Variants in KCNMA1 observed in about 807,000 individuals in gnomAD.
The protein encoded by KCNMA1 is Calcium-activated potassium channel subunit alpha-1.
In KCNMA1, 29 loss-of-function variants were observed where a neutral mutation model predicts 140.0. That is an observed-to-expected ratio of 0.21 (90% CI 0.15 to 0.28). The LOEUF is 0.28. Ranked by LOEUF, KCNMA1 falls within the 10% of genes least tolerant of loss-of-function variation. KCNMA1 has a pLI of 1.00. For synonymous variants in KCNMA1, 612 were observed against 611.9 expected (o/e 1.00, Z 0.00); for missense variants, 880 against 1,602.2 (o/e 0.55, Z 7.70).
At chr10:77,452,437 G>C (rs1481243628) in intron 1 of KCNMA1, among the ~76,000 whole-genome samples, 5 of 152,212 alleles carry the variant, frequency 3.3e-5, no homozygotes, top group Non-Finnish European at 7.3e-5. Context: ...AATTAAATTG[G>C]AGTGTGAAAG....
At position 77,464,359 on chromosome 10, in the gene KCNMA1, G is replaced by C. The variant is rs185525004; in HGVS notation, c.379-60336C>G. Among the ~76,000 whole-genome samples the C allele has an allele frequency of 2.6e-5, 4 of 152,060 alleles. No individual in the cohort carries two copies. In the South Asian group the frequency reaches 8.3e-4, roughly 32 times the overall value. On this transcript the variant is annotated intron_variant, in intron 1 of 27. Transcript: ENST00000286628. ...CCCTTCCGCTTTCTTGGAGTCATTA[G>C]TACACAGAGAGGTAGATGGGGAGAT...
At chr10:76,933,630 G>T (rs1195888150) in intron 23 of KCNMA1, among the ~76,000 whole-genome samples, 1 of 152,016 alleles carries the variant, frequency 6.6e-6, no homozygotes, top group Non-Finnish European at 1.5e-5. Flanking sequence ...TTCAAATTCT[G>T]GTCCCTTTAC....
intron 5 of KCNMA1, among the ~76,000 whole-genome samples, chr10:77,136,816 G>T (rs1055457738): frequency 1.1e-3 from 167 of 151,980 alleles, no homozygotes; most frequent in African/African-American, 4.0e-3. Flanking sequence ...ATTACTTATT[G>T]CTGTAGTCAT....
At chr10:76,917,447 G>GA (rs1454228396) in intron 23 of KCNMA1, among the ~76,000 whole-genome samples, 3 of 152,140 alleles carry the variant, frequency 2.0e-5, no homozygotes, top group Non-Finnish European at 4.4e-5. Context: ...CTTATTTAAA[G>GA]ATTCCATTTT....
chr10:76,907,371 G>T (rs926866701), intron 25 of KCNMA1, among the ~76,000 whole-genome samples: 28 of 152,158 alleles, frequency 1.8e-4, no homozygotes, highest in African/African-American at 6.5e-4. Context: ...ATCCAGATGG[G>T]CCCCCACCTC....
intron 21 of KCNMA1, among the ~76,000 whole-genome samples, chr10:76,950,663 A>G (rs896345873): frequency 2.0e-5 from 3 of 152,176 alleles, no homozygotes; most frequent in Non-Finnish European, 4.4e-5. Flanking sequence ...GCTTGATTTA[A>G]TCTCTAGAAT....
At position 77,454,547 on chromosome 10, in the gene KCNMA1, T is replaced by C. The variant is rs78139211; in HGVS notation, c.379-50524A>G. ...AGCAGTTTTCACCAGTTTTGTGTTT[T>C]AGCCACCTGACCCCCTTTCACTCTA... On this transcript the variant is annotated intron_variant, in intron 1 of 27. Transcript: ENST00000286628. 2.4e-3 allele frequency among the ~76,000 whole-genome samples: 368 copies of C among 152,326 alleles called. 2 individuals carry two copies. The highest frequency in any genetic ancestry group is 0.011 in the East Asian group (56 of 5,188).
rs889751606 is a variant in KCNMA1, at chr10:76,887,672, T to C, written c.3462-157A>G. The C allele has an allele frequency of 4.9e-6, 4 of 812,828 alleles. No individual in the cohort carries two copies. In the Admixed American group the frequency reaches 7.0e-5, roughly 14 times the overall value. The allele number at this position is 812,828 out of a possible 1,614,324, so 50.4% of individuals were successfully genotyped here. On this transcript the variant is annotated intron_variant, in intron 27 of 27. Transcript: ENST00000286628. Reference sequence around the variant, plus strand: ...CTGAGGCCTTAAACATTCTTTTTCTTGTTAAATGGAAACTTCCTCTGTTTA... The same window carrying C: ...CTGAGGCCTTAAACATTCTTTTTCTCGTTAAATGGAAACTTCCTCTGTTTA...
At chr10:77,411,789 G>C (rs966441397) in intron 1 of KCNMA1, among the ~76,000 whole-genome samples, 1 of 152,176 alleles carries the variant, frequency 6.6e-6, no homozygotes, top group Non-Finnish European at 1.5e-5. Flanking sequence ...TCCTTTCTCT[G>C]CCAAGAACCT....
At chr10:77,048,410 A>G (rs2095208577) in intron 14 of KCNMA1, among the ~76,000 whole-genome samples, 1 of 152,190 alleles carries the variant, frequency 6.6e-6, no homozygotes, top group South Asian at 2.1e-4. Flanking sequence ...CCTGCTTCAG[A>G]AAAGCAGAAT....
chr10:77,180,271 T>C (rs2098792823), intron 5 of KCNMA1, among the ~76,000 whole-genome samples: 1 of 152,242 alleles, frequency 6.6e-6, no homozygotes, highest in Non-Finnish European at 1.5e-5. Context: ...TTATAAGTCA[T>C]ATCTCATGGG....
intron 14 of KCNMA1, among the ~76,000 whole-genome samples, chr10:77,069,657 T>G (rs1385047225): frequency 2.0e-5 from 3 of 152,272 alleles, no homozygotes; most frequent in Admixed American, 6.5e-5. Context: ...TATATCCACA[T>G]AGGAGTGAGG....
intron 23 of KCNMA1, among the ~76,000 whole-genome samples, chr10:76,941,851 T>C (rs910145927): frequency 6.6e-6 from 1 of 152,204 alleles, no homozygotes; most frequent in Non-Finnish European, 1.5e-5. Context: ...GAACGGAAAG[T>C]TCAAGGTCAA....
chr10:77,382,984 G>GTA (rs2095467214), intron 2 of KCNMA1, among the ~76,000 whole-genome samples: 2 of 89,598 alleles, frequency 2.2e-5, no homozygotes, highest in African/African-American at 1.5e-4. Context: ...GTGTGTGTGT[G>GTA]TGTGTGTGTG....
intron 2 of KCNMA1, among the ~76,000 whole-genome samples, chr10:77,256,014 A>G (rs2154259204): frequency 6.6e-6 from 1 of 152,138 alleles, no homozygotes; most frequent in Non-Finnish European, 1.5e-5. Context: ...ATCTCGCTAG[A>G]TGAAAATCCC....
At chr10:77,502,489 C>T (rs1241531479) in intron 1 of KCNMA1, among the ~76,000 whole-genome samples, 1 of 152,110 alleles carries the variant, frequency 6.6e-6, no homozygotes, top group East Asian at 1.9e-4. Flanking sequence ...TCTTACCATC[C>T]CCTTTTCCAT....
chr10:77,559,497 G>C (rs1023008359), intron 1 of KCNMA1, among the ~76,000 whole-genome samples: 1 of 152,132 alleles, frequency 6.6e-6, no homozygotes, highest in Non-Finnish European at 1.5e-5. Context: ...CTAGTAGAAA[G>C]GCTAAGGAAC....
At chr10:76,986,592 T>G (rs553409661) in intron 19 of KCNMA1, among the ~76,000 whole-genome samples, 1 of 152,132 alleles carries the variant, frequency 6.6e-6, no homozygotes, top group Non-Finnish European at 1.5e-5. Context: ...AAGATTCGAG[T>G]TGGGGGCTTA....
At chr10:76,917,960 TC>T (rs2053661109) in intron 23 of KCNMA1, among the ~76,000 whole-genome samples, 1 of 152,192 alleles carries the variant, frequency 6.6e-6, no homozygotes, top group South Asian at 2.1e-4. Context: ...AATGAGGCAA[TC>T]CGGCCTTTGA....
Sources: gnomAD v4.1 joint callset for allele counts (sites outside exome capture counted in the v4.1 genomes callset) on GRCh38, gnomAD v4.1.1 for gene constraint, MANE v1.5 for transcripts, NCBI Gene and HGNC (gene_info 2026-07-23, HGNC 2026-07-21) for gene names.